Variants in P2RY14 observed in about 807,000 individuals in gnomAD.
The protein encoded by P2RY14 is P2Y purinoceptor 14.
In P2RY14, 2 loss-of-function variants were observed where a neutral mutation model predicts 0.9. That is an observed-to-expected ratio of 2.16 (90% CI 0.88 to 6.79). The LOEUF is 6.79. Ranked by LOEUF, P2RY14 falls within the 30% of genes most tolerant of loss-of-function variation. The pLI is 0.05. For synonymous variants in P2RY14, 158 were observed against 147.2 expected, an observed-to-expected ratio of 1.07 and a Z score of -0.53; for missense variants, 378 against 400.1, an observed-to-expected ratio of 0.94 and a Z score of 0.47.
intron 1 of P2RY14, among the ~76,000 whole-genome samples, chr3:151,272,059 T>A (rs916430203): frequency 2.0e-5 from 3 of 152,130 alleles, no homozygotes; most frequent in African/African-American, 7.2e-5. Flanking sequence ...GCAATACAGA[T>A]GTTGAGCATA....
chr3:151,222,735 G>A (rs1175439359), intron 1 of P2RY14, among the ~76,000 whole-genome samples: 4 of 152,178 alleles, frequency 2.6e-5, no homozygotes, highest in African/African-American at 9.7e-5. Context: ...ATGATATGCT[G>A]CTGGTCCATG....
At chr3:151,222,842 C>T (rs939334633) in intron 1 of P2RY14, among the ~76,000 whole-genome samples, 2 of 151,988 alleles carry the variant, frequency 1.3e-5, no homozygotes, top group Non-Finnish European at 2.9e-5. Flanking sequence ...TTGTTGTAGT[C>T]GGGACTTTAG....
chr3:151,250,385 G>A (rs182926650), intron 1 of P2RY14, among the ~76,000 whole-genome samples: 1 of 152,212 alleles, frequency 6.6e-6, no homozygotes, highest in East Asian at 1.9e-4. Context: ...CTCTAGAACT[G>A]TTTTCATCTT....
In P2RY14 at chr3:151,213,619, C is replaced by T. The variant is rs575550811; in HGVS notation, c.698G>A (p.Arg233His). The T allele has an allele frequency of 1.2e-5, 19 of 1,614,104 alleles. No homozygotes were observed. The highest frequency in any genetic ancestry group is 5.3e-5 in the African/African-American group (4 of 75,038). ...CACAAACACGATGCTGAATATGTTG[C>T]GGCTAGATTTCTTTTTGACCGAAGT... ...NSTSVKKKSS[R>H]NIFSIVFVFF... is the part of the protein sequence containing the mutation. The change falls in exon 3 of 3, where the codon CGC becomes CAC. Residue 233 changes from arginine (R) to histidine (H), a missense_variant. Transcript: ENST00000309170.
intron 1 of P2RY14, 62 bp from the exon 2 acceptor site, chr3:151,219,704 A>T (rs1728944847): frequency 1.3e-5 from 2 of 152,190 alleles, no homozygotes; most frequent in Non-Finnish European, 2.9e-5. Context: ...TATTGGGAAA[A>T]TATGTCTGTA....
chr3:151,260,371 A>G (rs1738632604), intron 1 of P2RY14, among the ~76,000 whole-genome samples: 3 of 152,086 alleles, frequency 2.0e-5, no homozygotes, highest in African/African-American at 7.2e-5. Context: ...GTTTTTTGAG[A>G]CAGGGTCTTG....
At chr3:151,247,710 A>T (rs1381855867) in intron 1 of P2RY14, among the ~76,000 whole-genome samples, 1 of 149,014 alleles carries the variant, frequency 6.7e-6, no homozygotes, top group Non-Finnish European at 1.5e-5. Flanking sequence ...ATGTATACAT[A>T]TGTAACTAAC....
At chr3:151,263,686 C>T (rs1439335987) in intron 1 of P2RY14, among the ~76,000 whole-genome samples, 2 of 152,172 alleles carry the variant, frequency 1.3e-5, no homozygotes, top group African/African-American at 4.8e-5. Flanking sequence ...TGAATAAGGA[C>T]TCATCTCTAA....
In P2RY14 at chr3:151,212,285, G is replaced by T. The variant is rs1042793941; in HGVS notation, c.*1015C>A. 1.3e-5 allele frequency: 2 copies of T among 152,120 alleles called. No homozygotes were observed. Among genetic ancestry groups the T allele is most frequent in the Non-Finnish European group, 2.9e-5 (2 of 68,026 alleles). 9.4% of individuals were successfully genotyped at this position (152,120 alleles called of 1,614,324 possible). A position where few individuals can be genotyped will look rare whatever the true frequency, so the allele number is the denominator to read the frequency against. On this transcript the variant is annotated 3_prime_UTR_variant, in exon 3 of 3. Transcript: ENST00000309170. ...TTTGGTAGCTCATAAGTCAGTAACCGTATGCCATGTCTCCAGAAGTAAAAT... is the reference window on the plus strand; with the variant it reads ...TTTGGTAGCTCATAAGTCAGTAACCTTATGCCATGTCTCCAGAAGTAAAAT...
rs536433348 is a variant in P2RY14 at position 151,265,350 on chromosome 3, G to A, written c.-133+12937C>T. 7.4e-4 allele frequency among the ~76,000 whole-genome samples: 113 copies of A among 152,322 alleles called. 1 individual carries two copies. The highest frequency in any genetic ancestry group is 1.4e-3 in the Non-Finnish European group (97 of 68,038). ...AAAACTGTTGAGTTTATTTTTCCCA[G>A]CACAGACGTGGAATTTCTGAGAATT... On this transcript the variant is annotated intron_variant, in intron 1 of 2. Coordinates refer to ENST00000309170, the MANE Select transcript of P2RY14 (RefSeq NM_014879.4).
chr3:151,233,283 A>G (rs1418092887), intron 1 of P2RY14, among the ~76,000 whole-genome samples: 2 of 152,140 alleles, frequency 1.3e-5, no homozygotes, highest in Non-Finnish European at 2.9e-5. Context: ...TCTTATTCTC[A>G]TCACATTCTG....
intron 1 of P2RY14, among the ~76,000 whole-genome samples, chr3:151,247,450 A>T (rs530450010): frequency 1.0e-3 from 154 of 152,094 alleles, no homozygotes; most frequent in African/African-American, 3.3e-3. Flanking sequence ...TGATGAGTTC[A>T]TGTCCTTTGT....
chr3:151,270,072 TGAA>T (rs902908295), intron 1 of P2RY14: 14 of 221,072 alleles, frequency 6.3e-5, no homozygotes, highest in Non-Finnish European at 9.8e-5. Context: ...AGGATGAAGA[TGAA>T]GAAGATGAAG....
chr3:151,266,659 T>A (rs989397079), intron 1 of P2RY14, among the ~76,000 whole-genome samples: 2 of 152,160 alleles, frequency 1.3e-5, no homozygotes, highest in African/African-American at 2.4e-5. Context: ...GATGAGCAAG[T>A]GATATGAACA....
Position 151,212,376 on chromosome 3 carries a change from A to G in P2RY14, c.*924T>C, listed in dbSNP as rs1326184920. The G allele has an allele frequency of 2.0e-5, 3 of 152,184 alleles. No individual in the cohort carries two copies. The highest frequency in any genetic ancestry group is 4.4e-5 in the Non-Finnish European group (3 of 68,022). 9.4% of individuals were successfully genotyped at this position (152,184 alleles called of 1,614,324 possible). On this transcript the variant is annotated 3_prime_UTR_variant, in exon 3 of 3. Transcript: ENST00000309170. ...TTTATGTGTTATTTTGCACTCATTAATGTAAATTTTAGATTTAAAAAAATC... is the reference window on the plus strand; with the variant it reads ...TTTATGTGTTATTTTGCACTCATTAGTGTAAATTTTAGATTTAAAAAAATC...
chr3:151,252,831 G>A (rs542678317), intron 1 of P2RY14, among the ~76,000 whole-genome samples: 1 of 152,152 alleles, frequency 6.6e-6, no homozygotes, highest in South Asian at 2.1e-4. Context: ...TAAAATGTGT[G>A]TATTTTAACC....
intron 1 of P2RY14, among the ~76,000 whole-genome samples, chr3:151,240,818 C>T (rs1733926145): frequency 6.6e-6 from 1 of 152,172 alleles, no homozygotes; most frequent in Admixed American, 6.5e-5. Flanking sequence ...TTCCTTAGGT[C>T]AGAGACAAGG....
intron 1 of P2RY14, among the ~76,000 whole-genome samples, chr3:151,226,015 T>G (rs1730423636): frequency 6.6e-6 from 1 of 152,202 alleles, no homozygotes; most frequent in Non-Finnish European, 1.5e-5. Flanking sequence ...TATAAAGCCG[T>G]CAGAACATGC....
intron 1 of P2RY14, among the ~76,000 whole-genome samples, chr3:151,272,258 A>G (rs1577197542): frequency 6.6e-6 from 1 of 152,338 alleles, no homozygotes; most frequent in East Asian, 1.9e-4. Flanking sequence ...TGGGGATAAG[A>G]TTTCTCAAAT....
Sources: allele counts gnomAD v4.1 joint callset (sites outside exome capture counted in the v4.1 genomes callset), GRCh38; gene constraint gnomAD v4.1.1; transcripts MANE v1.5; gene names NCBI Gene and HGNC (gene_info 2026-07-23, HGNC 2026-07-21).